Variants in CYSLTR1 observed in about 807,000 individuals in gnomAD.
The protein encoded by CYSLTR1 is G-protein coupled receptor HG55.
A neutral mutation model predicts 2.1 loss-of-function variants in CYSLTR1; 1 was observed. The observed-to-expected ratio is 0.48, with a 90% CI of 0.17 to 2.28. The LOEUF (loss-of-function observed/expected upper bound fraction) is 2.28, where lower values mean the gene tolerates loss of function less well. Ranked by LOEUF, CYSLTR1 falls within the 30% of genes most tolerant of loss-of-function variation. The probability of loss-of-function intolerance (pLI) is 0.26; values close to 1 mark genes in which losing one functional copy is unlikely to be tolerated. For synonymous variants in CYSLTR1, 110 were observed against 89.6 expected (o/e 1.23, Z -1.28); for missense variants, 299 against 250.1 (o/e 1.20, Z -1.32).
At chrX:78,292,864 G>T (rs1285318251) in intron 1 of CYSLTR1, among the ~76,000 whole-genome samples, 3 of 102,127 alleles carry the variant, frequency 2.9e-5, no homozygotes, top group Non-Finnish European at 5.9e-5. Flanking sequence ...TTGAGCCTAT[G>T]TGTGTCTTTG....
At position 78,294,061 on chromosome X, in the gene CYSLTR1, G is replaced by A. The variant is rs576961587; in HGVS notation, c.-114-10521C>T. Among the ~76,000 whole-genome samples, 28 of 112,085 alleles carry A rather than the reference G, an allele frequency of 2.5e-4. 1 individual carries two copies. The South Asian group carries it at 4.8e-3, about 19-fold the overall frequency. On this transcript the variant is annotated intron_variant, in intron 1 of 2. Transcript: ENST00000373304. ...TGCGTTCCTTTGGAGGAGAGGAGGC[G>A]CTCTGATTTTTAGAATTTTCAGCTT...
intron 1 of CYSLTR1, among the ~76,000 whole-genome samples, chrX:78,307,071 AG>A (rs1923056643): frequency 1.8e-5 from 2 of 112,187 alleles, no homozygotes; most frequent in African/African-American, 6.5e-5. Context: ...GAAAGAAAGA[AG>A]ATGTGAAGGT....
At chrX:78,299,223 A>G (rs1242366742) in intron 1 of CYSLTR1, among the ~76,000 whole-genome samples, 1 of 111,968 alleles carries the variant, frequency 8.9e-6, no homozygotes, top group Non-Finnish European at 1.9e-5. Context: ...GTTTGTATTC[A>G]TATCTTATTG....
chrX:78,322,879 T>C (rs1286329018), intron 1 of CYSLTR1, among the ~76,000 whole-genome samples: 1 of 111,690 alleles, frequency 9.0e-6, no homozygotes, highest in Non-Finnish European at 1.9e-5. Flanking sequence ...GCCATTCTGT[T>C]GTCAGACAGT....
intron 2 of CYSLTR1, among the ~76,000 whole-genome samples, chrX:78,280,528 G>C (rs764466773): frequency 1.6e-4 from 17 of 106,758 alleles, no homozygotes; most frequent in African/African-American, 2.7e-4. Context: ...TGTGTGTTGG[G>C]GGGGGGGTAA....
intron 2 of CYSLTR1, among the ~76,000 whole-genome samples, chrX:78,278,217 C>T (rs1421142015): frequency 2.7e-5 from 3 of 111,288 alleles, no homozygotes; most frequent in Non-Finnish European, 5.7e-5. Context: ...CTCAGTCAGA[C>T]AAAAATAAGG....
intron 2 of CYSLTR1, among the ~76,000 whole-genome samples, chrX:78,275,736 T>C (rs1921562283): frequency 1.8e-5 from 2 of 111,207 alleles, no homozygotes; most frequent in South Asian, 7.5e-4. Context: ...ATAATAATAA[T>C]AATAAAAAAA....
At chrX:78,306,954 T>C (rs896411708) in intron 1 of CYSLTR1, among the ~76,000 whole-genome samples, 6 of 111,820 alleles carry the variant, frequency 5.4e-5, no homozygotes, top group Admixed American at 9.5e-5. Flanking sequence ...TGGGAGAAAA[T>C]ATTTTCAATG....
chrX:78,297,036 T>C (rs1242572474), intron 1 of CYSLTR1, among the ~76,000 whole-genome samples: 2 of 111,863 alleles, frequency 1.8e-5, no homozygotes, highest in Admixed American at 1.9e-4. Context: ...TCTGTTGTAA[T>C]AGGGCTTTTA....
intron 1 of CYSLTR1, among the ~76,000 whole-genome samples, chrX:78,324,901 C>A (rs748793025): frequency 6.3e-5 from 7 of 110,965 alleles, no homozygotes; most frequent in Admixed American, 9.6e-5. Flanking sequence ...TTTAGACACA[C>A]ACACACACAC....
At chrX:78,308,068 C>T (rs1923091599) in intron 1 of CYSLTR1, among the ~76,000 whole-genome samples, 1 of 109,559 alleles carries the variant, frequency 9.1e-6, no homozygotes, top group South Asian at 4.0e-4. Context: ...GCACATGGTA[C>T]CATTAAGGAG....
chrX:78,320,278 A>C (rs950826703), intron 1 of CYSLTR1: 6 of 111,766 alleles, frequency 5.4e-5, no homozygotes, highest in Non-Finnish European at 1.1e-4. Flanking sequence ...TCTTGAATTA[A>C]TTTTTGTATA....
At chrX:78,314,293 G>T (rs1923325298) in intron 1 of CYSLTR1, among the ~76,000 whole-genome samples, 1 of 111,630 alleles carries the variant, frequency 9.0e-6, no homozygotes, top group Admixed American at 9.5e-5. Context: ...TCAAATTTCT[G>T]TTTTCACTTA....
At chrX:78,297,661 C>A (rs1294645385) in intron 1 of CYSLTR1, among the ~76,000 whole-genome samples, 2 of 111,524 alleles carry the variant, frequency 1.8e-5, no homozygotes, top group East Asian at 5.6e-4. Context: ...TTTCCAATTT[C>A]ATGACATATA....
chrX:78,304,214 G>T (rs765267280), intron 1 of CYSLTR1, among the ~76,000 whole-genome samples: 130 of 112,253 alleles, frequency 1.2e-3, no homozygotes, highest in Non-Finnish European at 2.0e-3. Context: ...ACTTGTCAAA[G>T]CCCACAGGTC....
chrX:78,304,960 C>G (rs1922972536), intron 1 of CYSLTR1, among the ~76,000 whole-genome samples: 1 of 111,722 alleles, frequency 9.0e-6, no homozygotes, highest in Non-Finnish European at 1.9e-5. Context: ...AATAAAAGCT[C>G]TCTTCCCCCA....
rs1375515590 is a variant in CYSLTR1, at chrX:78,312,736, G to C, written c.-115+14569C>G. 3.6e-5 allele frequency among the ~76,000 whole-genome samples: 4 copies of C among 112,209 alleles called. No homozygotes were observed. The East Asian group carries it at 1.1e-3, about 31-fold the overall frequency. On this transcript the variant is annotated intron_variant, in intron 1 of 2. Transcript: ENST00000373304. ...AAATACTCAACATCACTAATCACCA[G>C]AGAAATGCAAATTAAAACCACAGTA...
chrX:78,316,782 C>G (rs1215579112), intron 1 of CYSLTR1, among the ~76,000 whole-genome samples: 1 of 112,028 alleles, frequency 8.9e-6, no homozygotes, highest in Non-Finnish European at 1.9e-5. Context: ...TGGCAAGCCA[C>G]ACGTAGAAGA....
Position 78,273,675 on chromosome X carries a change from T to C in CYSLTR1, c.72A>G (p.Gln24=). The change falls in exon 3 of 3, where the codon CAA becomes CAG. Residue 24 remains glutamine, a synonymous_variant. Coordinates refer to ENST00000373304, the MANE Select transcript of CYSLTR1 (RefSeq NM_006639.4). The part of the protein sequence containing the change: ...CHDTIDDFRN[Q]VYSTLYSMIS... ...TCATAGAGTACAAGGTGGAATACAC[T>C]TGATTGCGGAAGTCATCAATAGTGT... 8.3e-7 allele frequency: 1 copy of C among 1,211,162 alleles called. No individual in the cohort carries two copies. The highest frequency in any genetic ancestry group is 1.1e-6 in the Non-Finnish European group (1 of 895,073).
Sources: allele counts gnomAD v4.1 joint callset (sites outside exome capture counted in the v4.1 genomes callset), GRCh38; gene constraint gnomAD v4.1.1; transcripts MANE v1.5; gene names NCBI Gene and HGNC (gene_info 2026-07-23, HGNC 2026-07-21).